The following CAST variants were observed in gnomAD, a reference collection of about 807,000 sequenced individuals.
The protein encoded by CAST is MIR583 host.
In CAST, 76 loss-of-function variants were observed where a neutral mutation model predicts 119.6. The ratio of observed to expected loss-of-function variants is 0.64; its 90% CI spans 0.53 to 0.77. The LOEUF is 0.77. Ranked by LOEUF, CAST falls within the 30% of genes least tolerant of loss-of-function variation. The pLI is 0.00. For synonymous variants in CAST, 319 were observed against 331.6 expected, an observed-to-expected ratio of 0.96 and a Z score of 0.41; for missense variants, 953 against 946.5, an observed-to-expected ratio of 1.01 and a Z score of -0.09.
chr5:96,557,567 T>C (rs1222157136), intron 1 of CAST, among the ~76,000 whole-genome samples: 1 of 152,136 alleles, frequency 6.6e-6, no homozygotes, highest in Non-Finnish European at 1.5e-5. Flanking sequence ...TCCTAGTCTC[T>C]GATAAAACAG....
At chr5:96,738,985 A>G (rs1561552449) in intron 11 of CAST, among the ~76,000 whole-genome samples, 1 of 152,056 alleles carries the variant, frequency 6.6e-6, no homozygotes, top group East Asian at 1.9e-4. Context: ...AATATTTGCA[A>G]CAGACATAAC....
chr5:96,434,527 T>C, the CAST span, among the ~76,000 whole-genome samples: 5 of 152,154 alleles, frequency 3.3e-5, no homozygotes, highest in Non-Finnish European at 7.3e-5. Flanking sequence ...TGTCCAGCTC[T>C]TGGGAACGTG....
the CAST span, among the ~76,000 whole-genome samples, chr5:96,427,547 G>A: frequency 6.6e-6 from 1 of 152,032 alleles, no homozygotes. Context: ...ACCTGTGCTG[G>A]AGAAGGAATT....
the CAST span, among the ~76,000 whole-genome samples, chr5:96,125,058 A>G: frequency 6.6e-6 from 1 of 152,184 alleles, no homozygotes; most frequent in Non-Finnish European, 1.5e-5. Flanking sequence ...GGGCAAAGAT[A>G]TCTTAACCCA....
chr5:96,080,820 G>A, the CAST span, among the ~76,000 whole-genome samples: 1 of 152,090 alleles, frequency 6.6e-6, no homozygotes, highest in Non-Finnish European at 1.5e-5. Context: ...CTCTGGCTGG[G>A]CCCTCTCTTT....
intron 1 of CAST, among the ~76,000 whole-genome samples, chr5:96,651,728 C>G (rs181074535): frequency 9.8e-5 from 15 of 152,338 alleles, no homozygotes; most frequent in Admixed American, 2.0e-4. Context: ...AGCAGACTCT[C>G]AGGCTGTAGC....
chr5:96,390,403 C>T, the CAST span: 1 of 152,176 alleles, frequency 6.6e-6, no homozygotes, highest in African/African-American at 2.4e-5. Context: ...GATTTATAAG[C>T]ATATTTTACA....
chr5:96,748,571 T>C lies in CAST; in HGVS notation c.1386T>C (p.Ser462=). The C allele has an allele frequency of 6.3e-7, 1 of 1,577,210 alleles. No individual in the cohort carries two copies. Among genetic ancestry groups the C allele is most frequent in the Non-Finnish European group, 8.7e-7 (1 of 1,146,700 alleles). Residue 462 remains serine, a synonymous_variant, in exon 19 of 32, where the codon TCT becomes TCC. Transcript: ENST00000675179. The part of the protein sequence containing the change: ...IDELSEDFDR[S]ECKEKPSKPT... Reference sequence around the variant, plus strand: ...AACTTTCAGAAGATTTTGACCGGTCTGAATGTAAAGAGAAACCATCTAAGC... The same window carrying C: ...AACTTTCAGAAGATTTTGACCGGTCCGAATGTAAAGAGAAACCATCTAAGC...
the CAST span, among the ~76,000 whole-genome samples, chr5:96,490,420 T>A: frequency 6.6e-6 from 1 of 151,956 alleles, no homozygotes; most frequent in African/African-American, 2.4e-5. Context: ...CCAAAATGCA[T>A]GTGAAATGCA....
chr5:96,432,215 CTA>C, the CAST span: 19 of 1,228,096 alleles, frequency 1.5e-5, no homozygotes, highest in Admixed American at 2.0e-5. Flanking sequence ...CCGGAGCTCC[CTA>C]GAGAGTCGCG....
intron 2 of CAST, among the ~76,000 whole-genome samples, chr5:96,676,937 C>G (rs1002195991): frequency 9.2e-5 from 14 of 151,358 alleles, no homozygotes; most frequent in African/African-American, 3.4e-4. Flanking sequence ...ACCTGTAATC[C>G]CAGCTACTCT....
chr5:96,175,637 CGT>C, the CAST span, among the ~76,000 whole-genome samples: 1 of 152,130 alleles, frequency 6.6e-6, no homozygotes, highest in Admixed American at 6.5e-5. Flanking sequence ...TTTCTAAAAG[CGT>C]GACGTTGTTG....
the CAST span, among the ~76,000 whole-genome samples, chr5:96,009,544 G>A: frequency 1.3e-5 from 2 of 152,072 alleles, no homozygotes; most frequent in African/African-American, 4.8e-5. Context: ...TTTATCTGAT[G>A]GTTAGTGATG....
At chr5:96,677,664 G>C (rs1204371247) in intron 2 of CAST, among the ~76,000 whole-genome samples, 1 of 152,230 alleles carries the variant, frequency 6.6e-6, no homozygotes, top group African/African-American at 2.4e-5. Context: ...CCTTGTGCCA[G>C]AGCCTGGACA....
At chr5:96,751,905 C>G (rs1231164690) in intron 20 of CAST, among the ~76,000 whole-genome samples, 2 of 152,228 alleles carry the variant, frequency 1.3e-5, no homozygotes, top group African/African-American at 4.8e-5. Context: ...TCCCTTTCCC[C>G]GTCCTCCTTT....
chr5:95,966,844 A>G, the CAST span, among the ~76,000 whole-genome samples: 2 of 152,206 alleles, frequency 1.3e-5, no homozygotes, highest in African/African-American at 4.8e-5. Flanking sequence ...CTTTGGAGGC[A>G]AAAGGACTCA....
chr5:96,426,119 A>T, the CAST span, among the ~76,000 whole-genome samples: 1 of 152,170 alleles, frequency 6.6e-6, no homozygotes. Flanking sequence ...TATTTCCTCT[A>T]TTACAGTAAA....
At chr5:96,062,712 A>G in the CAST span, among the ~76,000 whole-genome samples, 1 of 152,132 alleles carries the variant, frequency 6.6e-6, no homozygotes, top group Non-Finnish European at 1.5e-5. Context: ...CTGCTACCCA[A>G]TGGGGGTGTG....
chr5:96,191,476 A>G, the CAST span, among the ~76,000 whole-genome samples: 4 of 152,256 alleles, frequency 2.6e-5, no homozygotes. Context: ...TAAATGACTC[A>G]TAAGTAAAAT....
Sources: allele counts gnomAD v4.1 joint callset (sites outside exome capture counted in the v4.1 genomes callset), GRCh38; gene constraint gnomAD v4.1.1; transcripts MANE v1.5; gene names NCBI Gene and HGNC (gene_info 2026-07-23, HGNC 2026-07-21).